Variants in IQCM observed in about 807,000 individuals in gnomAD.
IQCM encodes the protein IQ domain-containing protein M.
In IQCM, 45 loss-of-function variants were observed where a neutral mutation model predicts 57.6. The ratio of observed to expected loss-of-function variants is 0.78; its 90% CI spans 0.62 to 1.00. The LOEUF is 1.00. IQCM is among the 50% of genes least tolerant of loss of function. The pLI is 0.00. For missense variants in IQCM, 468 were observed against 511.6 expected (o/e 0.91, Z 0.82); for synonymous variants, 148 against 158.9 (o/e 0.93, Z 0.51).
At chr4:149,480,815 T>C (rs1740699356) in intron 12 of IQCM, among the ~76,000 whole-genome samples, 2 of 152,176 alleles carry the variant, frequency 1.3e-5, no homozygotes, top group Non-Finnish European at 2.9e-5. Context: ...ACTCTATTTT[T>C]AGATTTTTGA....
chr4:149,792,971 T>C (rs1054981571), intron 2 of IQCM, among the ~76,000 whole-genome samples: 11 of 152,142 alleles, frequency 7.2e-5, no homozygotes, highest in Non-Finnish European at 1.2e-4. Context: ...CAGTAGCCTA[T>C]CCTGAAAAGA....
chr4:149,584,846 T>G (rs1752509203), intron 9 of IQCM, among the ~76,000 whole-genome samples: 1 of 151,750 alleles, frequency 6.6e-6, no homozygotes, highest in African/African-American at 2.4e-5. Flanking sequence ...CCACCACTAT[T>G]TATCCATATA....
At chr4:149,750,904 T>C (rs1489810741) in intron 2 of IQCM, among the ~76,000 whole-genome samples, 1 of 152,226 alleles carries the variant, frequency 6.6e-6, no homozygotes, top group African/African-American at 2.4e-5. Context: ...GAAATAGTGA[T>C]GTTAAAGAGC....
At chr4:149,376,730 A>G (rs1730724095) in intron 13 of IQCM, among the ~76,000 whole-genome samples, 1 of 152,194 alleles carries the variant, frequency 6.6e-6, no homozygotes, top group Non-Finnish European at 1.5e-5. Flanking sequence ...TTTTTCTGCA[A>G]TAAAAAAATT....
chr4:149,436,814 T>C (rs1469703960), intron 12 of IQCM, among the ~76,000 whole-genome samples: 3 of 152,064 alleles, frequency 2.0e-5, no homozygotes, highest in African/African-American at 4.8e-5. Context: ...TCCTTACCCC[T>C]ACCTCACCAG....
rs538866067 is a variant in IQCM at position 149,516,211 on chromosome 4, G to A, written c.1228+32244C>T. 6.6e-5 allele frequency among the ~76,000 whole-genome samples: 10 copies of A among 152,320 alleles called. No homozygotes were observed. In the South Asian group the frequency reaches 2.1e-3, roughly 32 times the overall value. Reference sequence around the variant, plus strand: ...TCAGCCAGCTACCTGGTGGTAGGTTGATTATATTGGACCTCTTCCATCATG... The same window carrying A: ...TCAGCCAGCTACCTGGTGGTAGGTTAATTATATTGGACCTCTTCCATCATG... On this transcript the variant is annotated intron_variant, in intron 12 of 13. Transcript: ENST00000636793.
At chr4:149,685,076 C>A (rs1270276492) in intron 6 of IQCM, among the ~76,000 whole-genome samples, 1 of 151,510 alleles carries the variant, frequency 6.6e-6, no homozygotes, top group Admixed American at 6.6e-5. Flanking sequence ...ATAGTCAACT[C>A]TCTTAAGAAA....
chr4:149,587,300 C>CT (rs981531905), intron 9 of IQCM, among the ~76,000 whole-genome samples: 2 of 151,706 alleles, frequency 1.3e-5, no homozygotes, highest in African/African-American at 2.4e-5. Flanking sequence ...TTCAAATATT[C>CT]TTTTTTTAGC....
At chr4:149,669,816 G>T (rs932153195) in intron 7 of IQCM, among the ~76,000 whole-genome samples, 5 of 152,062 alleles carry the variant, frequency 3.3e-5, no homozygotes, top group Non-Finnish European at 7.4e-5. Flanking sequence ...TGAGGGCTCT[G>T]CTTTGTTTTG....
intron 12 of IQCM, among the ~76,000 whole-genome samples, chr4:149,529,697 C>A (rs536576889): frequency 6.6e-6 from 1 of 152,278 alleles, no homozygotes; most frequent in Non-Finnish European, 1.5e-5. Context: ...CTGAATCCAT[C>A]ATTCTCATCA....
At chr4:149,751,958 A>G (rs1042383984) in intron 2 of IQCM, among the ~76,000 whole-genome samples, 6 of 152,172 alleles carry the variant, frequency 3.9e-5, no homozygotes, top group African/African-American at 1.4e-4. Flanking sequence ...ATATGCATGG[A>G]AGGACTTAGT....
At chr4:149,508,352 C>A (rs1455959144) in intron 12 of IQCM, among the ~76,000 whole-genome samples, 4 of 152,150 alleles carry the variant, frequency 2.6e-5, no homozygotes. Flanking sequence ...CACTCAATGC[C>A]AGCCCATGAA....
At chr4:149,709,277 T>C (rs1219526549) in intron 5 of IQCM, among the ~76,000 whole-genome samples, 1 of 152,034 alleles carries the variant, frequency 6.6e-6, no homozygotes, top group Non-Finnish European at 1.5e-5. Flanking sequence ...CTCTGCCAAA[T>C]GAAAGTAAGG....
At chr4:149,672,887 G>T (rs908650166) in intron 7 of IQCM, among the ~76,000 whole-genome samples, 1 of 152,152 alleles carries the variant, frequency 6.6e-6, no homozygotes, top group Non-Finnish European at 1.5e-5. Context: ...GAAAGGTCGG[G>T]TTACCCACAA....
chr4:149,765,599 G>C (rs902751420), intron 2 of IQCM, among the ~76,000 whole-genome samples: 1 of 152,016 alleles, frequency 6.6e-6, no homozygotes, highest in Non-Finnish European at 1.5e-5. Context: ...TAAAATTAAT[G>C]AAAGACCACA....
chr4:149,688,981 C>T (rs558305985), intron 5 of IQCM, among the ~76,000 whole-genome samples: 2 of 152,120 alleles, frequency 1.3e-5, no homozygotes, highest in Admixed American at 1.3e-4. Flanking sequence ...AAATCTAAGA[C>T]CTGAAACTAT....
At chr4:149,456,259 G>C (rs186856332) in intron 12 of IQCM, among the ~76,000 whole-genome samples, 52 of 152,170 alleles carry the variant, frequency 3.4e-4, no homozygotes, top group African/African-American at 1.3e-3. Flanking sequence ...ACCTGTTCAA[G>C]TTGTTCTCTG....
chr4:149,617,788 A>T (rs1755930679), intron 8 of IQCM, among the ~76,000 whole-genome samples: 1 of 152,228 alleles, frequency 6.6e-6, no homozygotes, highest in African/African-American at 2.4e-5. Flanking sequence ...ACTGAGGAAT[A>T]CATTTAAGCT....
chr4:149,490,654 A>G (rs1741996105), intron 12 of IQCM, among the ~76,000 whole-genome samples: 1 of 151,970 alleles, frequency 6.6e-6, no homozygotes, highest in East Asian at 1.9e-4. Flanking sequence ...CTTCATTACA[A>G]CGCATTTTCC....
Sources: allele counts gnomAD v4.1 joint callset (sites outside exome capture counted in the v4.1 genomes callset), GRCh38; gene constraint gnomAD v4.1.1; transcripts MANE v1.5; gene names NCBI Gene and HGNC (gene_info 2026-07-23, HGNC 2026-07-21).